The following RFTN1 variants were observed in gnomAD, a reference collection of about 807,000 sequenced individuals.
RFTN1 encodes raftlin.
A neutral mutation model predicts 46.5 loss-of-function variants in RFTN1; 26 were observed. The observed-to-expected ratio is 0.56, with a 90% CI of 0.41 to 0.78. The LOEUF (loss-of-function observed/expected upper bound fraction) is 0.78, where lower values mean the gene tolerates loss of function less well. Ranked by LOEUF, RFTN1 falls within the 30% of genes least tolerant of loss-of-function variation. The pLI, the probability that RFTN1 is intolerant of heterozygous loss-of-function variation, is 0.00. For synonymous variants in RFTN1, 261 were observed against 284.2 expected, an observed-to-expected ratio of 0.92 and a Z score of 0.82; for missense variants, 693 against 718.7, an observed-to-expected ratio of 0.96 and a Z score of 0.41.
In RFTN1 at chr3:16,512,438, CTTGT is replaced by C. The variant is rs1472328846; in HGVS notation, c.-9+1000_-9+1003del. On this transcript the variant is annotated intron_variant, in intron 1 of 9. Transcript: ENST00000334133. This position sits in a 1 kb window ranked among gnomAD's most constrained non-coding sequence, Gnocchi z 4.3. Reference sequence around the variant, plus strand: ...AGACTTTTTTTTTAAAAAAGTACTTCTTGTTTGTTTGTTTTAAGCCCCCGAAGAA... The same window carrying C: ...AGACTTTTTTTTTAAAAAAGTACTTCTTGTTTGTTTTAAGCCCCCGAAGAA... Among the ~76,000 whole-genome samples, 1 of 124,710 alleles carries C rather than the reference CTTGT, an allele frequency of 8.0e-6. No homozygotes were observed. The highest frequency in any genetic ancestry group is 1.7e-5 in the Non-Finnish European group (1 of 59,126). 81.8% of individuals were successfully genotyped at this position (124,710 alleles called of 152,430 possible).
chr3:16,372,502 A>G (rs777944096), intron 5 of RFTN1, among the ~76,000 whole-genome samples: 2 of 152,220 alleles, frequency 1.3e-5, no homozygotes, highest in Non-Finnish European at 2.9e-5. Context: ...AGCCTGCTAC[A>G]GTCAAGCACA....
chr3:16,365,753 A>G (rs1027663349), intron 6 of RFTN1, among the ~76,000 whole-genome samples: 5 of 152,228 alleles, frequency 3.3e-5, no homozygotes, highest in African/African-American at 1.2e-4. Context: ...ACTAACTTCC[A>G]GGTTACAGGA....
Position 16,377,955 on chromosome 3 carries a change from G to C in RFTN1, c.589C>G (p.His197Asp), listed in dbSNP as rs865839274. Reference sequence around the variant, plus strand: ...GGTTTCTCATTCTCCAGTGACGCGTGATCCCCACGTGCGTTTTTTGCATCT... The same window carrying C: ...GGTTTCTCATTCTCCAGTGACGCGTCATCCCCACGTGCGTTTTTTGCATCT... ...ARDAKNARGD[H>D]ASLENEKPGT... The change falls in exon 5 of 10, where the codon CAC becomes GAC. Residue 197 changes from histidine to aspartate, a missense_variant. His to Asp is a moderately conservative substitution (Grantham distance 81). Coordinates refer to ENST00000334133, the MANE Select transcript of RFTN1 (RefSeq NM_015150.2). 1 of 1,614,224 alleles carries C rather than the reference G, an allele frequency of 6.2e-7. No homozygotes were observed. Among genetic ancestry groups the C allele is most frequent in the Non-Finnish European group, 8.5e-7 (1 of 1,180,046 alleles).
At position 16,493,861 on chromosome 3, in the gene RFTN1, G is replaced by A. The variant is rs759182017; in HGVS notation, c.9C>T (p.Cys3=). The part of the protein sequence containing the change: MG[C]GLNKLEKRDE... ...CACGTTTCTCTAACTTGTTCAATCC[G>A]CAACCCATTTCAGCAGCTGCTGGCC... is the stretch of plus-strand genomic sequence containing the variant. The change falls in exon 2 of 10, where the codon TGC becomes TGT. Residue 3 remains cysteine (C), a synonymous_variant. Transcript: ENST00000334133. 36 of 1,614,058 alleles carry A rather than the reference G, an allele frequency of 2.2e-5. No homozygotes were observed. Among genetic ancestry groups the A allele is most frequent in the East Asian group, 6.7e-5 (3 of 44,882 alleles).
At position 16,453,603 on chromosome 3, in the gene RFTN1, A is replaced by G. The variant is rs139705155; in HGVS notation, c.146-19566T>C. ...AGCGAAGAAAAACAAAGCCTTTTAA[A>G]AATGTAATGTTTATTTCCTCAGTGA... On this transcript the variant is annotated intron_variant, in intron 2 of 9. Transcript: ENST00000334133. Among the ~76,000 whole-genome samples, 151 of 152,382 alleles carry G rather than the reference A, an allele frequency of 9.9e-4. No homozygotes were observed. The Middle Eastern group carries it at 0.027, about 27-fold the overall frequency.
At chr3:16,482,633 T>C in intron 2 of RFTN1, 1 of 957,334 alleles carries the variant, frequency 1.0e-6, no homozygotes, top group African/African-American at 1.6e-5. Flanking sequence ...CTGAGCCTTG[T>C]TTCCTCATTT....
chr3:16,316,607 T>C lies in RFTN1; in HGVS notation c.*221A>G. 1 of 633,502 alleles carries C rather than the reference T, an allele frequency of 1.6e-6. No individual in the cohort carries two copies. Among genetic ancestry groups the C allele is most frequent in the Non-Finnish European group, 2.8e-6 (1 of 357,146 alleles). The allele number at this position is 633,502 out of a possible 1,614,324, so 39.2% of individuals were successfully genotyped here. A position where few individuals can be genotyped will look rare whatever the true frequency, so the allele number is the denominator to read the frequency against. ...TAGAATAACCTGACCTCTTGCATTC[T>C]AACACTGGGTCATTAATGACACCTT... On this transcript the variant is annotated 3_prime_UTR_variant, in exon 10 of 10. Coordinates refer to ENST00000334133, the MANE Select transcript of RFTN1 (RefSeq NM_015150.2). This position sits in a 1 kb window ranked among gnomAD's most constrained non-coding sequence, Gnocchi z 4.5.
At chr3:16,395,447 A>AT (rs34892913) in intron 4 of RFTN1, among the ~76,000 whole-genome samples, 499 of 148,636 alleles carry the variant, frequency 3.4e-3, no homozygotes, top group Middle Eastern at 0.021. Context: ...AAGGAGCTGA[A>AT]TTTTTTTTTT....
chr3:16,488,354 C>T (rs1167976934), intron 2 of RFTN1, among the ~76,000 whole-genome samples: 2 of 152,174 alleles, frequency 1.3e-5, no homozygotes, highest in Non-Finnish European at 1.5e-5. Flanking sequence ...CTGCCTCGGC[C>T]TTCCAAAGTG....
rs933958106 is a variant in RFTN1 at position 16,413,134 on chromosome 3, A to C, written c.333-3651T>G. ...AAAAAAGAAAACAGAAAACTAACACAGTTCCTGAGGAGGAAGACATGGCAG... is the reference window on the plus strand; with the variant it reads ...AAAAAAGAAAACAGAAAACTAACACCGTTCCTGAGGAGGAAGACATGGCAG... On this transcript the variant is annotated intron_variant, in intron 3 of 9. Coordinates refer to ENST00000334133, the MANE Select transcript of RFTN1 (RefSeq NM_015150.2). This position sits in a 1 kb window ranked among gnomAD's most constrained non-coding sequence, Gnocchi z 4.7. 5.3e-5 allele frequency among the ~76,000 whole-genome samples: 8 copies of C among 152,264 alleles called. No homozygotes were observed. Among genetic ancestry groups the C allele is most frequent in the African/African-American group, 1.7e-4 (7 of 41,478 alleles).
rs114866350 is a variant in RFTN1, at chr3:16,457,890, G to A, written c.146-23853C>T. On this transcript the variant is annotated intron_variant, in intron 2 of 9. Transcript: ENST00000334133. The surrounding 1 kb of genome is among the most constrained non-coding windows in gnomAD (Gnocchi z 4.2). Reference sequence around the variant, plus strand: ...GGTCATGAGGGCTCAGCCCTTATGAGTGGATTAATATCATTATAAAAGGGT... The same window carrying A: ...GGTCATGAGGGCTCAGCCCTTATGAATGGATTAATATCATTATAAAAGGGT... Among the ~76,000 whole-genome samples the A allele has an allele frequency of 0.011, 1,605 of 152,266 alleles. 19 individuals are homozygous for A. Among genetic ancestry groups the A allele is most frequent in the African/African-American group, 0.037 (1,517 of 41,542 alleles).
In RFTN1 at chr3:16,356,393, C is replaced by G. The variant is rs1023512291; in HGVS notation, c.1146+1539G>C. On this transcript the variant is annotated intron_variant, in intron 7 of 9. Transcript: ENST00000334133. This position sits in a 1 kb window ranked among gnomAD's most constrained non-coding sequence, Gnocchi z 4.9. ...CGCTAACCAGCCCCGGATGCTGTGA[C>G]TTTCCAACTCCTGCTTCTGACGACT... 4.6e-5 allele frequency among the ~76,000 whole-genome samples: 7 copies of G among 152,352 alleles called. No individual in the cohort carries two copies. The highest frequency in any genetic ancestry group is 3.4e-3 in the Middle Eastern group (1 of 294).
chr3:16,452,192 A>G lies in RFTN1; in HGVS notation c.146-18155T>C, dbSNP rs1373178512. On this transcript the variant is annotated intron_variant, in intron 2 of 9. Transcript: ENST00000334133. The surrounding 1 kb of genome is among the most constrained non-coding windows in gnomAD (Gnocchi z 6.3). ...TAGGTAACCAAAACCACAGAAAATG[A>G]AACCAAGGATAAGGGGGAACTACTG... is the stretch of plus-strand genomic sequence containing the variant. Among the ~76,000 whole-genome samples, 2 of 152,228 alleles carry G rather than the reference A, an allele frequency of 1.3e-5. No homozygotes were observed. Among genetic ancestry groups the G allele is most frequent in the African/African-American group, 2.4e-5 (1 of 41,454 alleles).
intron 7 of RFTN1, among the ~76,000 whole-genome samples, chr3:16,340,904 A>G (rs542359214): frequency 6.6e-6 from 1 of 152,378 alleles, no homozygotes; most frequent in South Asian, 2.1e-4. Flanking sequence ...TGCAAAAGCC[A>G]TATCTGATAA....
chr3:16,405,686 G>T (rs1265449654), intron 4 of RFTN1, among the ~76,000 whole-genome samples: 1 of 152,146 alleles, frequency 6.6e-6, no homozygotes, highest in African/African-American at 2.4e-5. Flanking sequence ...CAAAGGTTCT[G>T]CTAATTTAAA....
At chr3:16,430,333 A>T (rs2075361824) in intron 3 of RFTN1, among the ~76,000 whole-genome samples, 1 of 152,176 alleles carries the variant, frequency 6.6e-6, no homozygotes, top group Non-Finnish European at 1.5e-5. Flanking sequence ...GCTGGTCTGG[A>T]ACTTCTGAGC....
At position 16,327,006 on chromosome 3, in the gene RFTN1, C is replaced by T. The variant is rs930096152; in HGVS notation, c.1147-130G>A. ...GGCGGTGCCCGGCCACTCAGAGGCT[C>T]CTGCTCCGATGCTTGCTGAAGACTT... On this transcript the variant is annotated intron_variant, in intron 7 of 9. Coordinates refer to ENST00000334133, the MANE Select transcript of RFTN1 (RefSeq NM_015150.2). This position sits in a 1 kb window ranked among gnomAD's most constrained non-coding sequence, Gnocchi z 4.2. 20 of 632,712 alleles carry T rather than the reference C, an allele frequency of 3.2e-5. No homozygotes were observed. Among genetic ancestry groups the T allele is most frequent in the Non-Finnish European group, 5.2e-5 (19 of 366,364 alleles). The allele number at this position is 632,712 out of a possible 1,614,324, so 39.2% of individuals were successfully genotyped here.
intron 2 of RFTN1, among the ~76,000 whole-genome samples, chr3:16,462,311 T>C (rs531422430): frequency 1.3e-5 from 2 of 152,378 alleles, no homozygotes; most frequent in African/African-American, 4.8e-5. Flanking sequence ...ATTATTATTC[T>C]TATAGCAGCA....
intron 6 of RFTN1, among the ~76,000 whole-genome samples, chr3:16,364,174 T>C (rs2073006264): frequency 6.6e-6 from 1 of 152,238 alleles, no homozygotes; most frequent in African/African-American, 2.4e-5. Flanking sequence ...GCTTGCAAGT[T>C]GCAGCGCCAT....
Sources: allele counts gnomAD v4.1 joint callset (sites outside exome capture counted in the v4.1 genomes callset), GRCh38; gene constraint gnomAD v4.1.1; non-coding constraint Gnocchi (gnomAD v3.1); transcripts MANE v1.5; gene names NCBI Gene and HGNC (gene_info 2026-07-23, HGNC 2026-07-21).